DHX57: variants seen among roughly 807,000 people sequenced by gnomAD.
The protein encoded by DHX57 is DExH-box helicase 57, also known as putative ATP-dependent RNA helicase DHX57.
Under a neutral mutation model 156.2 loss-of-function variants are expected in DHX57, and 105 were observed. The observed-to-expected ratio is 0.67, with a 90% CI of 0.57 to 0.79. The LOEUF (loss-of-function observed/expected upper bound fraction) is 0.79, where lower values mean the gene tolerates loss of function less well. DHX57 is among the 30% of genes least tolerant of loss of function. DHX57 has a pLI of 0.00. For synonymous variants in DHX57, 704 were observed against 595.6 expected, an observed-to-expected ratio of 1.18 and a Z score of -2.65; for missense variants, 1,847 against 1,661.9, an observed-to-expected ratio of 1.11 and a Z score of -1.94.
chr2:38,829,147 T>G (rs3112150), intron 13 of DHX57, among the ~76,000 whole-genome samples: 36,660 of 152,108 alleles, frequency 0.24, 4,560 homozygotes, highest in Admixed American at 0.28. Context: ...TTCGCCATGT[T>G]GCCCAGGCTG....
At chr2:38,811,475 G>T in intron 21 of DHX57, 3 of 687,980 alleles carry the variant, frequency 4.4e-6, no homozygotes, top group South Asian at 2.8e-5. Flanking sequence ...CGTCCTCAAT[G>T]AACACCTTTT....
At chr2:38,829,392 C>T (rs747786802) in intron 13 of DHX57, among the ~76,000 whole-genome samples, 1 of 152,032 alleles carries the variant, frequency 6.6e-6, no homozygotes, top group African/African-American at 2.4e-5. Flanking sequence ...ATTGATTCTC[C>T]CGCCTCATCC....
intron 21 of DHX57, among the ~76,000 whole-genome samples, chr2:38,807,709 G>T (rs1670025935): frequency 1.3e-5 from 2 of 151,500 alleles, no homozygotes; most frequent in South Asian, 4.2e-4. Flanking sequence ...GTGCAACGGT[G>T]CAATCTCGGC....
intron 16 of DHX57, among the ~76,000 whole-genome samples, chr2:38,823,844 T>C (rs1670954294): frequency 6.6e-6 from 1 of 152,052 alleles, no homozygotes; most frequent in Admixed American, 6.6e-5. Flanking sequence ...AAACCCAGTC[T>C]CTACTAAAAA....
At position 38,843,089 on chromosome 2, in the gene DHX57, G is replaced by A. The variant is rs144570908; in HGVS notation, c.2341C>T (p.Leu781Phe). Residue 781 changes from leucine (L) to phenylalanine (F), a missense_variant, in exon 12 of 24, where the codon CTT becomes TTT. Physicochemically the swap from Leu to Phe is conservative, Grantham distance 22. Transcript: ENST00000457308. ...EEVEEDLRLSLHLQDQDSVKD... is the reference protein window; with the variant it reads ...EEVEEDLRLSFHLQDQDSVKD... The stretch of plus-strand genomic sequence containing the variant: ...ACAGAATCCTGATCCTGGAGGTGAA[G>A]GGAGAGCCTTAGGTCTTCTTCCACT... 5.6e-6 allele frequency: 9 copies of A among 1,614,060 alleles called. No individual in the cohort carries two copies. The highest frequency in any genetic ancestry group is 6.8e-6 in the Non-Finnish European group (8 of 1,180,022).
At chr2:38,827,533 T>TATATATATAC (rs1222862055) in intron 14 of DHX57, among the ~76,000 whole-genome samples, 1 of 48,256 alleles carries the variant, frequency 2.1e-5, no homozygotes, top group African/African-American at 6.7e-5. Flanking sequence ...TATATATATA[T>TATATATATAC]ACACACATAC....
chr2:38,863,346 A>G lies in DHX57; in HGVS notation c.383+15T>C, dbSNP rs372649850. 6.2e-6 allele frequency: 10 copies of G among 1,601,748 alleles called. No individual in the cohort carries two copies. In the African/African-American group the frequency reaches 9.5e-5, roughly 15 times the overall value. ...TTTCCTTAATATAATAATTGACTCAAATAAAACAATTTACTCAGATCCAGC... is the reference window on the plus strand; with the variant it reads ...TTTCCTTAATATAATAATTGACTCAGATAAAACAATTTACTCAGATCCAGC... On this transcript the variant is annotated intron_variant, in intron 3 of 23. Transcript: ENST00000457308.
intron 10 of DHX57, among the ~76,000 whole-genome samples, chr2:38,847,795 C>T (rs562259352): frequency 6.6e-6 from 1 of 152,134 alleles, no homozygotes; most frequent in African/African-American, 2.4e-5. Flanking sequence ...TAAAATCTCC[C>T]AGCAATGGCC....
At chr2:38,845,240 T>C (rs1572679934) in intron 11 of DHX57, among the ~76,000 whole-genome samples, 1 of 151,882 alleles carries the variant, frequency 6.6e-6, no homozygotes, top group East Asian at 1.9e-4. Context: ...TATATATATA[T>C]TCTGGAAGCA....
Position 38,854,960 on chromosome 2 carries a change from A to G in DHX57, c.1905+97T>C, listed in dbSNP as rs761780022. On this transcript the variant is annotated intron_variant, in intron 8 of 23. Transcript: ENST00000457308. ...TAATTTAAAAATAACCTGAAAGTAT[A>G]TATCCCAAATTGCCCATGAATCTCC... is the stretch of plus-strand genomic sequence containing the variant. 11 of 1,115,524 alleles carry G rather than the reference A, an allele frequency of 9.9e-6. No individual in the cohort carries two copies. In the African/African-American group the frequency reaches 1.5e-4, roughly 16 times the overall value. 69.1% of individuals were successfully genotyped at this position (1,115,524 alleles called of 1,614,324 possible). A position where few individuals can be genotyped will look rare whatever the true frequency, so the allele number is the denominator to read the frequency against.
intron 9 of DHX57, 97 bp downstream of exon 9, chr2:38,853,957 T>C (rs1270494152): frequency 8.1e-7 from 1 of 1,234,822 alleles, no homozygotes; most frequent in African/African-American, 1.5e-5. Flanking sequence ...TTACCATTAC[T>C]AGCTGCATGA....
Position 38,861,064 on chromosome 2 carries a change from T to C in DHX57, c.1346A>G (p.Asn449Ser). ...FLPVPSRTRI[N>S]NPACHKTVIP... is the part of the protein sequence containing the mutation. Reference sequence around the variant, plus strand: ...CACTGTTTTATGACAGGCAGGATTATTTATTCTGGTCCTAGAGGGTACTGG... The same window carrying C: ...CACTGTTTTATGACAGGCAGGATTACTTATTCTGGTCCTAGAGGGTACTGG... Residue 449 changes from asparagine to serine, a missense_variant, in exon 5 of 24, where the codon AAT becomes AGT. Coordinates refer to ENST00000457308, the MANE Select transcript of DHX57 (RefSeq NM_198963.3). The C allele has an allele frequency of 6.2e-7, 1 of 1,614,210 alleles. No individual in the cohort carries two copies. Among genetic ancestry groups the C allele is most frequent in the Non-Finnish European group, 8.5e-7 (1 of 1,180,028 alleles).
At chr2:38,813,321 T>G (rs1203363334) in intron 21 of DHX57, among the ~76,000 whole-genome samples, 1 of 152,134 alleles carries the variant, frequency 6.6e-6, no homozygotes, top group East Asian at 1.9e-4. Flanking sequence ...AATGTGTTAT[T>G]GAATAATGTA....
chr2:38,874,229 C>G (rs1665488546), intron 1 of DHX57, among the ~76,000 whole-genome samples: 1 of 151,618 alleles, frequency 6.6e-6, no homozygotes, highest in African/African-American at 2.4e-5. Context: ...ATAGCTGGGA[C>G]CACAGGTGCA....
intron 17 of DHX57, among the ~76,000 whole-genome samples, 192 bp from the exon 18 acceptor site, chr2:38,819,336 G>C (rs1670701894): frequency 1.3e-5 from 2 of 152,108 alleles, no homozygotes; most frequent in South Asian, 2.1e-4. Context: ...CATCAGGCCA[G>C]CTAATTTTTT....
At chr2:38,819,267 C>T in intron 17 of DHX57, 123 bp from the exon 18 acceptor site, 5 of 823,496 alleles carry the variant, frequency 6.1e-6, no homozygotes, top group Non-Finnish European at 9.7e-6. Flanking sequence ...CTTTATCTCC[C>T]AGGCTTAAGC....
At chr2:38,865,153 C>T (rs3099937) in intron 2 of DHX57, among the ~76,000 whole-genome samples, 118,447 of 152,072 alleles carry the variant, frequency 0.78, 50,241 homozygotes, top group East Asian at 0.98. Flanking sequence ...TTTTTATTGA[C>T]ACATAATAAT....
intron 21 of DHX57, among the ~76,000 whole-genome samples, chr2:38,813,430 G>A (rs1263689691): frequency 6.6e-6 from 1 of 151,666 alleles, no homozygotes; most frequent in Non-Finnish European, 1.5e-5. Context: ...GAGTGCAGTG[G>A]CGCAATCTCG....
At position 38,811,702 on chromosome 2, in the gene DHX57, C is replaced by T. The variant is rs1175994355; in HGVS notation, c.3681+2119G>A. On this transcript the variant is annotated intron_variant, in intron 21 of 23. Coordinates refer to ENST00000457308, the MANE Select transcript of DHX57 (RefSeq NM_198963.3). The stretch of plus-strand genomic sequence containing the variant: ...ATTCCTGGTGCCTGGAATCTGTCTT[C>T]ATGGCTCAGTGAACCACTCGGGGCC... 4.6e-6 allele frequency: 4 copies of T among 865,850 alleles called. No homozygotes were observed. The East Asian group carries it at 8.4e-5, about 18-fold the overall frequency. 53.6% of individuals were successfully genotyped at this position (865,850 alleles called of 1,614,324 possible).
Sources: allele counts gnomAD v4.1 joint callset (sites outside exome capture counted in the v4.1 genomes callset), GRCh38; gene constraint gnomAD v4.1.1; transcripts MANE v1.5; gene names NCBI Gene and HGNC (gene_info 2026-07-23, HGNC 2026-07-21).